The following RNF6 variants were observed in gnomAD, a reference collection of about 807,000 sequenced individuals.
RNF6 encodes the protein ring finger protein 6.
RNF6 carries 21 observed loss-of-function variants against 50.1 expected under a neutral mutation model. The observed-to-expected ratio is 0.42, with a 90% CI of 0.30 to 0.60. The LOEUF (loss-of-function observed/expected upper bound fraction) is 0.60, where lower values mean the gene tolerates loss of function less well. RNF6 is among the 20% of genes least tolerant of loss of function. The probability of loss-of-function intolerance (pLI) is 0.20; values close to 1 mark genes in which losing one functional copy is unlikely to be tolerated. For synonymous variants in RNF6, 255 were observed against 291.8 expected (o/e 0.87, Z 1.29); for missense variants, 698 against 838.2 (o/e 0.83, Z 2.07).
At chr13:26,180,475 T>C (rs926919996) in intron 5 of RNF6, among the ~76,000 whole-genome samples, 7 of 152,160 alleles carry the variant, frequency 4.6e-5, no homozygotes, top group African/African-American at 1.7e-4. Context: ...AAGGAACATA[T>C]AACCCAGGGA....
At chr13:26,181,401 A>T (rs1017307011) in intron 5 of RNF6, among the ~76,000 whole-genome samples, 1 of 152,190 alleles carries the variant, frequency 6.6e-6, no homozygotes, top group East Asian at 1.9e-4. Flanking sequence ...CTCAGTTGGC[A>T]TTCTCCTGAC....
rs150502789 is a variant in RNF6, at chr13:26,135,807, T to TA, written n.769-3357dup. On this transcript the variant is annotated intron_variant and non_coding_transcript_variant, in intron 5 of 5. Transcript: ENST00000468480. ...CTCAAGAATGTCTTGGTGCTGTCCTTATAGTGATGAGTGAGTTTTCACTCT... is the reference window on the plus strand; with the variant it reads ...CTCAAGAATGTCTTGGTGCTGTCCTTAATAGTGATGAGTGAGTTTTCACTCT... 9.8e-3 allele frequency among the ~76,000 whole-genome samples: 1,493 copies of TA among 152,228 alleles called. 19 individuals carry two copies. Among genetic ancestry groups the TA allele is most frequent in the African/African-American group, 0.034 (1,408 of 41,544 alleles).
chr13:26,206,007 T>G (rs1196812789), intron 5 of RNF6, among the ~76,000 whole-genome samples: 1 of 152,090 alleles, frequency 6.6e-6, no homozygotes, highest in Non-Finnish European at 1.5e-5. Flanking sequence ...AGTAACCCTG[T>G]CTCAAAAAAT....
intron 4 of RNF6, among the ~76,000 whole-genome samples, chr13:26,217,295 C>T (rs1451469025): frequency 6.6e-6 from 1 of 152,194 alleles, no homozygotes; most frequent in Non-Finnish European, 1.5e-5. Flanking sequence ...GGCAGGTGAA[C>T]ATGAATTATT....
intron 5 of RNF6, among the ~76,000 whole-genome samples, chr13:26,143,867 T>A (rs1871090999): frequency 6.6e-6 from 1 of 152,196 alleles, no homozygotes; most frequent in Non-Finnish European, 1.5e-5. Flanking sequence ...TTGGTTAGAA[T>A]CAATGTTGTA....
intron 5 of RNF6, among the ~76,000 whole-genome samples, chr13:26,155,009 A>T (rs1411167872): frequency 6.6e-6 from 1 of 151,966 alleles, no homozygotes; most frequent in African/African-American, 2.4e-5. Flanking sequence ...CAGCCTGGGC[A>T]AAAGAGCCAG....
intron 5 of RNF6, among the ~76,000 whole-genome samples, chr13:26,170,325 T>C (rs1423383499): frequency 6.6e-6 from 1 of 151,974 alleles, no homozygotes; most frequent in Non-Finnish European, 1.5e-5. Flanking sequence ...ATTTAATAGG[T>C]GAAGAATTCA....
Position 26,215,259 on chromosome 13 carries a change from C to G in RNF6, c.623G>C (p.Ser208Thr), listed in dbSNP as rs969017121. The change falls in exon 5 of 5, where the codon AGT (serine) becomes ACT (threonine). Residue 208 changes from serine to threonine, a missense_variant. Transcript: ENST00000381588. ...RSQTSVNFNG[S>T]SSNIPRTRLA... ...CCTAGTCCTTGGAATGTTGGAACTA[C>G]TACCATTGAAATTCACTGAGGTTTG... 4 of 1,614,098 alleles carry G rather than the reference C, an allele frequency of 2.5e-6. No homozygotes were observed. Among genetic ancestry groups the G allele is most frequent in the African/African-American group, 1.3e-5 (1 of 74,938 alleles).
chr13:26,175,906 T>G (rs1460551952), intron 5 of RNF6, among the ~76,000 whole-genome samples: 1 of 152,050 alleles, frequency 6.6e-6, no homozygotes, highest in Non-Finnish European at 1.5e-5. Context: ...AGTATCAGTA[T>G]GTTTGACCAA....
At chr13:26,179,147 C>T (rs917166854) in intron 5 of RNF6, among the ~76,000 whole-genome samples, 1 of 152,062 alleles carries the variant, frequency 6.6e-6, no homozygotes, top group Non-Finnish European at 1.5e-5. Context: ...TTGCACAAAC[C>T]CAGCTGCCAG....
At chr13:26,181,544 C>T (rs919017871) in intron 5 of RNF6, among the ~76,000 whole-genome samples, 3 of 152,198 alleles carry the variant, frequency 2.0e-5, no homozygotes, top group African/African-American at 7.2e-5. Flanking sequence ...CACGTCCAGT[C>T]TCAGTCAAAA....
intron 5 of RNF6, among the ~76,000 whole-genome samples, chr13:26,173,096 A>G (rs191466595): frequency 1.4e-3 from 210 of 152,396 alleles, no homozygotes; most frequent in African/African-American, 4.9e-3. Flanking sequence ...AAAGATTGGC[A>G]AGACCACGGT....
intron 4 of RNF6, among the ~76,000 whole-genome samples, chr13:26,216,231 A>G (rs927579774): frequency 6.6e-6 from 1 of 152,228 alleles, no homozygotes; most frequent in African/African-American, 2.4e-5. Context: ...ACTGGAGTTA[A>G]TAATAGAATC....
intron 5 of RNF6, among the ~76,000 whole-genome samples, chr13:26,184,031 T>A (rs1182624633): frequency 1.3e-4 from 14 of 111,656 alleles, no homozygotes; most frequent in African/African-American, 3.2e-4. Context: ...TTTTTTTTTT[T>A]TTTTTTTTTT....
chr13:26,201,090 A>G (rs1482699341), intron 5 of RNF6, among the ~76,000 whole-genome samples: 1 of 152,166 alleles, frequency 6.6e-6, no homozygotes, highest in Non-Finnish European at 1.5e-5. Flanking sequence ...CAAATAAAAA[A>G]CACCATGACA....
In RNF6 at chr13:26,190,355, A is replaced by G. The variant is rs115138525; in HGVS notation, n.768+25119T>C. ...AAGGCAACATATTTATAGATTCTAGATATTAGGATGTAAACATCTTCAGAG... is the reference window on the plus strand; with the variant it reads ...AAGGCAACATATTTATAGATTCTAGGTATTAGGATGTAAACATCTTCAGAG... On this transcript the variant is annotated intron_variant and non_coding_transcript_variant, in intron 5 of 5. Transcript: ENST00000468480. 4.1e-3 allele frequency among the ~76,000 whole-genome samples: 617 copies of G among 152,316 alleles called. 3 individuals carry two copies. The highest frequency in any genetic ancestry group is 0.014 in the African/African-American group (575 of 41,564).
chr13:26,216,273 A>G (rs1354354838), intron 4 of RNF6, among the ~76,000 whole-genome samples: 1 of 152,256 alleles, frequency 6.6e-6, no homozygotes, highest in Non-Finnish European at 1.5e-5. Context: ...GGATAAAATA[A>G]GACGCTATAT....
intron 5 of RNF6, among the ~76,000 whole-genome samples, chr13:26,175,664 G>A (rs923510649): frequency 6.6e-6 from 1 of 152,270 alleles, no homozygotes; most frequent in East Asian, 1.9e-4. Context: ...TGAAAACCTG[G>A]GAGTGGGGGA....
intron 5 of RNF6, among the ~76,000 whole-genome samples, chr13:26,203,060 G>A (rs769440914): frequency 3.9e-5 from 6 of 152,162 alleles, no homozygotes; most frequent in Non-Finnish European, 7.4e-5. Flanking sequence ...GAAAATTAAG[G>A]TACTTGCATA....
Sources: allele counts gnomAD v4.1 joint callset (sites outside exome capture counted in the v4.1 genomes callset), GRCh38; gene constraint gnomAD v4.1.1; transcripts MANE v1.5; gene names NCBI Gene and HGNC (gene_info 2026-07-23, HGNC 2026-07-21).